Variants in USH2A observed in about 807,000 individuals in gnomAD.
USH2A encodes usherin, also known as Usher syndrome 2A (autosomal recessive, mild).
USH2A carries 443 observed loss-of-function variants against 538.9 expected under a neutral mutation model. The observed-to-expected ratio is 0.82, with a 90% CI of 0.76 to 0.89. The LOEUF (loss-of-function observed/expected upper bound fraction) is 0.89. Among genes scored for constraint, USH2A ranks in the 40% least tolerant of loss-of-function variants. The pLI is 0.00. For missense variants in USH2A, 6,633 were observed against 6,324.8 expected (o/e 1.05, Z -1.65); for synonymous variants, 2,413 against 2,273.5 (o/e 1.06, Z -1.75).
intron 38 of USH2A, among the ~76,000 whole-genome samples, chr1:215,904,223 G>A (rs1302394090): frequency 1.3e-5 from 2 of 151,880 alleles, no homozygotes; most frequent in African/African-American, 4.8e-5. Flanking sequence ...TTTTTAATAT[G>A]CACACAAAAC....
At chr1:215,988,470 C>T (rs1460524287) in intron 35 of USH2A, among the ~76,000 whole-genome samples, 1 of 152,084 alleles carries the variant, frequency 6.6e-6, no homozygotes, top group Non-Finnish European at 1.5e-5. Flanking sequence ...TCGTAGCTAC[C>T]GTGAATAATG....
intron 64 of USH2A, among the ~76,000 whole-genome samples, chr1:215,659,855 C>G (rs1657388403): frequency 6.6e-6 from 1 of 152,110 alleles, no homozygotes; most frequent in Non-Finnish European, 1.5e-5. Context: ...AACTTGGGGT[C>G]AGAAAGTCAG....
At chr1:215,805,682 GA>G (rs1487461901) in intron 49 of USH2A, among the ~76,000 whole-genome samples, 2 of 152,038 alleles carry the variant, frequency 1.3e-5, no homozygotes, top group Non-Finnish European at 2.9e-5. Flanking sequence ...CCACCTTCCA[GA>G]ATACTCTAAA....
chr1:215,771,579 C>CAAAAAAAAAAAAAAA lies in USH2A; in HGVS notation c.10940-4806_10940-4792dup, dbSNP rs759067576. 5.9e-4 allele frequency among the ~76,000 whole-genome samples: 26 copies of CAAAAAAAAAAAAAAA among 43,998 alleles called. 2 individuals carry two copies. The highest frequency in any genetic ancestry group is 1.3e-3 in the African/African-American group (12 of 9,454). 28.9% of individuals were successfully genotyped at this position (43,998 alleles called of 152,430 possible). Reference sequence around the variant, plus strand: ...TGGGCGACAGAGCGAGACTCCGTCTCAAAAAAAAAAAAAAAAAAAAAAAAA... The same window carrying CAAAAAAAAAAAAAAA: ...TGGGCGACAGAGCGAGACTCCGTCTCAAAAAAAAAAAAAAAAAAAAAAAAAAAAAAAAAAAAAAAA... On this transcript the variant is annotated intron_variant, in intron 55 of 71. Coordinates refer to ENST00000307340, the MANE Select transcript of USH2A (RefSeq NM_206933.4).
chr1:215,922,169 C>T (rs937933719), intron 38 of USH2A, among the ~76,000 whole-genome samples: 1 of 152,142 alleles, frequency 6.6e-6, no homozygotes, highest in Admixed American at 6.6e-5. Context: ...AGGGGAAAGA[C>T]TCAGGTTTTA....
intron 3 of USH2A, among the ~76,000 whole-genome samples, chr1:216,380,441 T>C (rs1341650102): frequency 6.6e-6 from 1 of 152,120 alleles, no homozygotes; most frequent in Non-Finnish European, 1.5e-5. Flanking sequence ...TTCTAGGGAA[T>C]GTGAAAGGAG....
At chr1:215,819,076 C>T (rs541482137) in intron 47 of USH2A, among the ~76,000 whole-genome samples, 112 of 151,832 alleles carry the variant, frequency 7.4e-4, no homozygotes, top group African/African-American at 2.7e-3. Context: ...ATTAACTAAT[C>T]ACAAATATGT....
At chr1:215,696,898 C>T (rs541688551) in intron 61 of USH2A, among the ~76,000 whole-genome samples, 22 of 152,108 alleles carry the variant, frequency 1.4e-4, no homozygotes, top group African/African-American at 5.3e-4. Context: ...TAGCAGATCT[C>T]AGTGAGAGGA....
intron 34 of USH2A, among the ~76,000 whole-genome samples, chr1:215,996,558 ATGTTTTTT>A (rs1668144157): frequency 2.0e-4 from 9 of 46,102 alleles, no homozygotes; most frequent in Non-Finnish European, 2.8e-4. Flanking sequence ...GCAACATATT[ATGTTTTTT>A]TTTTTTTTTT....
At chr1:216,037,922 A>C (rs2102517288) in intron 32 of USH2A, among the ~76,000 whole-genome samples, 1 of 152,012 alleles carries the variant, frequency 6.6e-6, no homozygotes, top group African/African-American at 2.4e-5. Context: ...CTCACTTATA[A>C]GTGAGAACAT....
intron 32 of USH2A, among the ~76,000 whole-genome samples, chr1:216,043,151 T>C (rs900004967): frequency 3.3e-5 from 5 of 152,068 alleles, no homozygotes; most frequent in Admixed American, 6.6e-5. Context: ...GCAGAATGTA[T>C]AGAAATTAAA....
At chr1:215,759,164 T>C (rs1483229246) in intron 57 of USH2A, among the ~76,000 whole-genome samples, 1 of 152,194 alleles carries the variant, frequency 6.6e-6, no homozygotes, top group Non-Finnish European at 1.5e-5. Context: ...CTTTCTACAG[T>C]AAAACATCTG....
intron 50 of USH2A, among the ~76,000 whole-genome samples, chr1:215,796,099 T>C (rs1015640289): frequency 2.6e-5 from 4 of 152,234 alleles, no homozygotes; most frequent in Non-Finnish European, 5.9e-5. Flanking sequence ...TTTAATTTTC[T>C]TTCTGAGTCT....
intron 36 of USH2A, among the ~76,000 whole-genome samples, chr1:215,967,721 T>A (rs1176231493): frequency 1.3e-5 from 2 of 148,674 alleles, no homozygotes; most frequent in African/African-American, 5.0e-5. Flanking sequence ...TTAGATGTCT[T>A]AAATAACACA....
intron 21 of USH2A, among the ~76,000 whole-genome samples, chr1:216,168,635 G>C (rs1288732531): frequency 6.6e-6 from 1 of 152,100 alleles, no homozygotes; most frequent in African/African-American, 2.4e-5. Flanking sequence ...TTTGCTACAA[G>C]ATAAGGAATG....
intron 58 of USH2A, among the ~76,000 whole-genome samples, chr1:215,744,875 T>C (rs753166148): frequency 6.6e-6 from 1 of 152,248 alleles, no homozygotes; most frequent in Non-Finnish European, 1.5e-5. Flanking sequence ...ATGGCTAAAC[T>C]ATCTGGTACA....
chr1:216,068,021 G>A (rs1184996283), intron 30 of USH2A, among the ~76,000 whole-genome samples: 2 of 152,182 alleles, frequency 1.3e-5, no homozygotes, highest in Non-Finnish European at 1.5e-5. Context: ...ACTGAGAACA[G>A]GGCCCCTGGA....
chr1:215,919,162 A>G (rs1006299302), intron 38 of USH2A, among the ~76,000 whole-genome samples: 1 of 152,020 alleles, frequency 6.6e-6, no homozygotes. Context: ...TATTGCACAG[A>G]CATTATAGGG....
rs769398784 is a variant in USH2A, at chr1:216,323,655, G to A, written c.1369C>T (p.Leu457=). The change falls in exon 8 of 72, where the codon CTG becomes TTG. Residue 457 remains leucine (L), a synonymous_variant. Coordinates refer to ENST00000307340, the MANE Select transcript of USH2A (RefSeq NM_206933.4). ...YSRGNVTFSI[L]TPGPNYRPGY... Reference sequence around the variant, plus strand: ...GGACGATAATTTGGTCCAGGTGTCAGGATGCTAAATGTGACATTGCCACGG... The same window carrying A: ...GGACGATAATTTGGTCCAGGTGTCAAGATGCTAAATGTGACATTGCCACGG... 1 of 1,613,502 alleles carries A rather than the reference G, an allele frequency of 6.2e-7. No individual in the cohort carries two copies. Among genetic ancestry groups the A allele is most frequent in the Non-Finnish European group, 8.5e-7 (1 of 1,179,708 alleles).
Sources: gnomAD v4.1 joint callset for allele counts (sites outside exome capture counted in the v4.1 genomes callset) on GRCh38, gnomAD v4.1.1 for gene constraint, MANE v1.5 for transcripts, NCBI Gene and HGNC (gene_info 2026-07-23, HGNC 2026-07-21) for gene names.